The following STK17B variants were observed in gnomAD, a reference collection of about 807,000 sequenced individuals.
STK17B encodes the protein serine/threonine kinase 17b, also known as serine/threonine-protein kinase 17B.
Under a neutral mutation model 42.0 loss-of-function variants are expected in STK17B, and 21 were observed. The ratio of observed to expected loss-of-function variants is 0.50; its 90% confidence interval spans 0.35 to 0.72. The LOEUF (loss-of-function observed/expected upper bound fraction) is 0.72, where lower values mean the gene tolerates loss of function less well. Among genes scored for constraint, STK17B ranks in the 30% least tolerant of loss-of-function variants. The pLI, the probability that STK17B is intolerant of heterozygous loss-of-function variation, is 0.00. For synonymous variants in STK17B, 143 were observed against 148.4 expected (o/e 0.96, Z 0.26); for missense variants, 349 against 446.0 (o/e 0.78, Z 1.96).
At position 196,158,205 on chromosome 2, in the gene STK17B, G is replaced by C. The variant is rs572052882; in HGVS notation, c.123-1554C>G. ...ATGGAAAACAAAACTTGGTGTTTAG[G>C]GGGTACGGGGTGGAAACTGGGGGAC... On this transcript the variant is annotated intron_variant, in intron 2 of 7. Transcript: ENST00000263955. 6.6e-5 allele frequency among the ~76,000 whole-genome samples: 10 copies of C among 152,172 alleles called. No individual in the cohort carries two copies. In the East Asian group the frequency reaches 9.6e-4, roughly 15 times the overall value.
intron 1 of STK17B, among the ~76,000 whole-genome samples, chr2:196,167,942 C>T (rs938380773): frequency 6.6e-6 from 1 of 152,158 alleles, no homozygotes; most frequent in African/African-American, 2.4e-5. Context: ...AGAGATTTAA[C>T]GTCCATCAAA....
intron 3 of STK17B, among the ~76,000 whole-genome samples, chr2:196,148,635 A>C (rs746038909): frequency 6.6e-5 from 10 of 152,204 alleles, no homozygotes; most frequent in Non-Finnish European, 1.3e-4. Context: ...ATGAATTTAC[A>C]TATTTACACC....
At chr2:196,163,936 G>C (rs1362299591) in intron 1 of STK17B, among the ~76,000 whole-genome samples, 1 of 152,008 alleles carries the variant, frequency 6.6e-6, no homozygotes, top group Non-Finnish European at 1.5e-5. Context: ...CTGCTTGGGA[G>C]GCTGAGGCAG....
intron 7 of STK17B, 51 bp downstream of exon 7, chr2:196,139,569 G>GTAA (rs751937247): frequency 4.4e-6 from 5 of 1,139,852 alleles, no homozygotes; most frequent in Non-Finnish European, 5.8e-6. Flanking sequence ...TTCTGTAATA[G>GTAA]TATTTAAACA....
rs1559406974 is a variant in STK17B at position 196,137,132 on chromosome 2, C to CT, written c.*314dup. On this transcript the variant is annotated 3_prime_UTR_variant, in exon 8 of 8. Transcript: ENST00000263955. ...ACCAACTATAATAAAACTCAAGCCA[C>CT]TTTTTTTGTTGATATGCAAAACATT... 3.7e-6 allele frequency: 1 copy of CT among 269,168 alleles called. No homozygotes were observed. The highest frequency in any genetic ancestry group is 7.0e-6 in the Non-Finnish European group (1 of 142,324). The allele number at this position is 269,168 out of a possible 1,614,324, so 16.7% of individuals were successfully genotyped here.
chr2:196,149,161 C>T (rs572998430), intron 3 of STK17B, among the ~76,000 whole-genome samples: 1 of 148,836 alleles, frequency 6.7e-6, no homozygotes, highest in Admixed American at 6.9e-5. Flanking sequence ...TAGATAACAG[C>T]TATTTTTTTT....
At chr2:196,171,208 C>CT (rs1221473943) in intron 1 of STK17B, 125 bp downstream of exon 1, 1 of 152,312 alleles carries the variant, frequency 6.6e-6, no homozygotes, top group Non-Finnish European at 1.5e-5. Context: ...CCAAGCCCCT[C>CT]TCAGCCGGAC....
chr2:196,173,451 G>C (rs1699971170), upstream of STK17B, among the ~76,000 whole-genome samples: 1 of 152,166 alleles, frequency 6.6e-6, no homozygotes, highest in South Asian at 2.1e-4. Context: ...CCTTGTGCCT[G>C]ATGTCAGATT....
chr2:196,143,835 C>T (rs1353457105), intron 4 of STK17B, 149 bp from the exon 5 acceptor site: 2 of 694,914 alleles, frequency 2.9e-6, no homozygotes, highest in East Asian at 3.5e-5. Flanking sequence ...ACTACTTAGG[C>T]GGAGCTATTA....
intron 1 of STK17B, chr2:196,170,728 T>C (rs1699928915): frequency 6.6e-6 from 1 of 152,248 alleles, no homozygotes; most frequent in South Asian, 2.1e-4. Flanking sequence ...AAAAATCAGA[T>C]CGCTGAAAAT....
upstream of STK17B, among the ~76,000 whole-genome samples, chr2:196,174,687 A>T (rs1007139013): frequency 2.0e-5 from 3 of 152,204 alleles, no homozygotes; most frequent in African/African-American, 7.2e-5. Context: ...CCCTCTCTGG[A>T]GGTAGGAATA....
At chr2:196,162,436 A>C (rs1327203796) in intron 2 of STK17B, among the ~76,000 whole-genome samples, 1 of 149,528 alleles carries the variant, frequency 6.7e-6, no homozygotes, top group Non-Finnish European at 1.5e-5. Context: ...TTTTTAAGCC[A>C]AGCACAATAC....
At chr2:196,173,462 T>G (rs1299750947), upstream of STK17B, among the ~76,000 whole-genome samples, 6 of 152,220 alleles carry the variant, frequency 3.9e-5, no homozygotes, top group Non-Finnish European at 1.5e-5. Context: ...ATGTCAGATT[T>G]GTTAACTAGG....
intron 2 of STK17B, 116 bp from the exon 3 acceptor site, chr2:196,156,767 T>C (rs1699745256): frequency 2.5e-6 from 2 of 789,430 alleles, no homozygotes; most frequent in South Asian, 1.8e-5. Context: ...TCTGTGTCAT[T>C]AGGAATTTAT....
At position 196,163,396 on chromosome 2, in the gene STK17B, C is replaced by T. The variant is rs1170654262; in HGVS notation, c.-13G>A. On this transcript the variant is annotated 5_prime_UTR_variant, in exon 2 of 8. Transcript: ENST00000263955. ...TCCTCCTCGACATGTTAGGTGATTC[C>T]CAGGTCTGCTTCTTTAGTCACTTAT... The T allele has an allele frequency of 1.3e-6, 2 of 1,571,378 alleles. No individual in the cohort carries two copies. Among genetic ancestry groups the T allele is most frequent in the African/African-American group, 1.4e-5 (1 of 72,312 alleles).
chr2:196,164,823 A>T (rs1298399986), intron 1 of STK17B, among the ~76,000 whole-genome samples: 1 of 152,196 alleles, frequency 6.6e-6, no homozygotes, highest in Non-Finnish European at 1.5e-5. Context: ...AAATTAAATT[A>T]AAATTATAGC....
chr2:196,143,386 ATTCAT>A (rs1699520561), intron 5 of STK17B, among the ~76,000 whole-genome samples, 169 bp downstream of exon 5: 1 of 92,262 alleles, frequency 1.1e-5, no homozygotes, highest in Non-Finnish European at 2.5e-5. Context: ...TCATACTTTT[ATTCAT>A]TTCATTTAAA....
intron 1 of STK17B, among the ~76,000 whole-genome samples, chr2:196,169,070 T>A (rs1699905469): frequency 1.2e-4 from 1 of 8,044 alleles, no homozygotes; most frequent in African/African-American, 2.1e-4. Context: ...GGAATACTAT[T>A]TTTTTTTTTT....
intron 2 of STK17B, among the ~76,000 whole-genome samples, chr2:196,157,414 T>C (rs542874494): frequency 6.6e-6 from 1 of 152,326 alleles, no homozygotes; most frequent in South Asian, 2.1e-4. Flanking sequence ...TACCTTTAAA[T>C]ATAAGAAATT....
Sources: gnomAD v4.1 joint callset for allele counts (sites outside exome capture counted in the v4.1 genomes callset) on GRCh38, gnomAD v4.1.1 for gene constraint, MANE v1.5 for transcripts, NCBI Gene and HGNC (gene_info 2026-07-23, HGNC 2026-07-21) for gene names.